Variants in NT5DC3 observed in about 807,000 individuals in gnomAD.
The protein encoded by NT5DC3 is 5'-nucleotidase domain-containing protein 3.
A neutral mutation model predicts 67.8 loss-of-function variants in NT5DC3; 42 were observed. That is an observed-to-expected ratio of 0.62 (90% CI 0.48 to 0.80). The LOEUF (loss-of-function observed/expected upper bound fraction) is 0.80. Among genes scored for constraint, NT5DC3 ranks in the 30% least tolerant of loss-of-function variants. The pLI, the probability that NT5DC3 is intolerant of heterozygous loss-of-function variation, is 0.00. For missense variants in NT5DC3, 570 were observed against 696.4 expected (o/e 0.82, Z 2.04); for synonymous variants, 237 against 255.6 (o/e 0.93, Z 0.69).
intron 5 of NT5DC3, among the ~76,000 whole-genome samples, chr12:103,798,288 C>T (rs927934020): frequency 1.3e-5 from 2 of 152,172 alleles, no homozygotes; most frequent in African/African-American, 4.8e-5. Context: ...AGCTGTCACA[C>T]CGACAGCCCC....
rs1046597734 is a variant in NT5DC3, at chr12:103,819,494, G to A, written c.209-4373C>T. 14 of 152,340 alleles carry A rather than the reference G, an allele frequency of 9.2e-5. 1 individual carries two copies. The highest frequency in any genetic ancestry group is 2.0e-4 in the Admixed American group (3 of 15,302). The allele number at this position is 152,340 out of a possible 1,614,324, so 9.4% of individuals were successfully genotyped here. ...TGTACATAGTGGATGATGACAGCAA[G>A]ACTATACAATCAGTACAAAGAAATG... On this transcript the variant is annotated intron_variant, in intron 1 of 13. Transcript: ENST00000392876.
intron 1 of NT5DC3, among the ~76,000 whole-genome samples, chr12:103,840,382 T>TCTC (rs1593451519): frequency 3.3e-5 from 2 of 60,796 alleles, no homozygotes; most frequent in East Asian, 6.6e-4. Context: ...GCACAGCTCA[T>TCTC]CTCATCTCAT....
At chr12:103,762,920 CG>C in the NT5DC3 span, among the ~76,000 whole-genome samples, 4 of 152,160 alleles carry the variant, frequency 2.6e-5, no homozygotes, top group Non-Finnish European at 5.9e-5. Context: ...AGAATATGGC[CG>C]GGGCAGCAGC....
At chr12:103,832,485 C>A (rs12313259) in intron 1 of NT5DC3, among the ~76,000 whole-genome samples, 27,594 of 151,882 alleles carry the variant, frequency 0.18, 2,650 homozygotes, top group Middle Eastern at 0.31. Context: ...GTCTTACCTT[C>A]AAAAGCTGGC....
rs78358844 is a variant in NT5DC3 at position 103,828,513 on chromosome 12, A to G, written c.208+12436T>C. ...TGCCTAAACTATGGGGAAGACTTTT[A>G]AAGAATATATCCTGCTATTTCTAAG... On this transcript the variant is annotated intron_variant, in intron 1 of 13. Coordinates refer to ENST00000392876, the MANE Select transcript of NT5DC3 (RefSeq NM_001031701.3). Among the ~76,000 whole-genome samples, 532 of 152,306 alleles carry G rather than the reference A, an allele frequency of 3.5e-3. 5 individuals carry two copies. Among genetic ancestry groups the G allele is most frequent in the African/African-American group, 0.012 (500 of 41,556 alleles).
intron 13 of NT5DC3, 150 bp downstream of exon 13, chr12:103,780,150 A>G: frequency 1.4e-6 from 1 of 711,104 alleles, no homozygotes; most frequent in Admixed American, 2.0e-5. Context: ...CAGGTAGCTG[A>G]TTCTGGATCC....
In NT5DC3 at chr12:103,777,757, G is replaced by A; in HGVS notation, c.*72C>T. Reference sequence around the variant, plus strand: ...GTATCTTTTCCAAAAGCAACACTCAGACCCACATGAAGTCAACCCCATCAT... The same window carrying A: ...GTATCTTTTCCAAAAGCAACACTCAAACCCACATGAAGTCAACCCCATCAT... On this transcript the variant is annotated 3_prime_UTR_variant, in exon 14 of 14. Transcript: ENST00000392876. 1 of 1,489,860 alleles carries A rather than the reference G, an allele frequency of 6.7e-7. No homozygotes were observed. The highest frequency in any genetic ancestry group is 2.1e-5 in the Admixed American group (1 of 46,772). 92.3% of individuals were successfully genotyped at this position (1,489,860 alleles called of 1,614,324 possible). A position where few individuals can be genotyped will look rare whatever the true frequency, so the allele number is the denominator to read the frequency against.
In NT5DC3 at chr12:103,772,887, G is replaced by A. The variant is rs914788628; in HGVS notation, c.*4942C>T. The A allele has an allele frequency of 6.6e-6, 1 of 152,324 alleles. No individual in the cohort carries two copies. The highest frequency in any genetic ancestry group is 2.4e-5 in the African/African-American group (1 of 41,438). The allele number at this position is 152,324 out of a possible 1,614,324, so 9.4% of individuals were successfully genotyped here. On this transcript the variant is annotated 3_prime_UTR_variant, in exon 14 of 14. Coordinates refer to ENST00000392876, the MANE Select transcript of NT5DC3 (RefSeq NM_001031701.3). ...TGGCCAGCCAGCAGCACTCCCAGCT[G>A]TTAGGGGAGTATGTCCTTCAGTCTG...
intron 12 of NT5DC3, among the ~76,000 whole-genome samples, chr12:103,780,763 C>G (rs1176430204): frequency 6.6e-6 from 1 of 152,094 alleles, no homozygotes; most frequent in Non-Finnish European, 1.5e-5. Flanking sequence ...TGTACAAATA[C>G]TTAGTACATG....
rs774530946 is a variant in NT5DC3 at position 103,796,970 on chromosome 12, A to C, written c.677T>G (p.Leu226Arg). The change falls in exon 6 of 14, where the codon CTC (leucine) becomes CGC (arginine). Residue 226 changes from leucine (L) to arginine (R), a missense_variant. Leu to Arg is a moderately radical substitution (Grantham distance 102). Transcript: ENST00000392876. ...MDIFSLPEMT[L>R]LSCVNEYFLK... ...GAAGTATTCATTCACGCAGGACAGG[A>C]GGGTCATCTCGGGCAGGGAGAAGAT... 4.3e-6 allele frequency: 7 copies of C among 1,613,992 alleles called. No individual in the cohort carries two copies. In the Admixed American group the frequency reaches 6.7e-5, roughly 15 times the overall value.
At chr12:103,813,937 G>T (rs963910806) in intron 2 of NT5DC3, among the ~76,000 whole-genome samples, 4 of 152,150 alleles carry the variant, frequency 2.6e-5, no homozygotes, top group Admixed American at 6.5e-5. Flanking sequence ...GCCCTCCTTT[G>T]CTGCCAACTC....
chr12:103,838,411 G>A lies in NT5DC3; in HGVS notation c.208+2538C>T, dbSNP rs560949634. 3.3e-5 allele frequency among the ~76,000 whole-genome samples: 5 copies of A among 152,270 alleles called. No individual in the cohort carries two copies. The South Asian group carries it at 1.0e-3, about 32-fold the overall frequency. ...GAACCCTATGATGCTACTGCTACCT[G>A]CAGCCCCATTTTACAGATGAAGAAA... On this transcript the variant is annotated intron_variant, in intron 1 of 13. Coordinates refer to ENST00000392876, the MANE Select transcript of NT5DC3 (RefSeq NM_001031701.3).
intron 6 of NT5DC3, among the ~76,000 whole-genome samples, chr12:103,795,067 T>C (rs1886254416): frequency 6.6e-6 from 1 of 152,202 alleles, no homozygotes; most frequent in African/African-American, 2.4e-5. Context: ...TGAGCACTTC[T>C]GGACTGCAAT....
chr12:103,755,695 C>T, the NT5DC3 span: 2 of 1,614,078 alleles, frequency 1.2e-6, no homozygotes, highest in Non-Finnish European at 1.7e-6. Flanking sequence ...GATGTCCTTC[C>T]CCTCACTCAC....
chr12:103,837,938 C>T (rs760799078), intron 1 of NT5DC3, among the ~76,000 whole-genome samples: 1 of 152,164 alleles, frequency 6.6e-6, no homozygotes, highest in Non-Finnish European at 1.5e-5. Flanking sequence ...TACCAATTTA[C>T]TGTATCAGTC....
chr12:103,831,007 G>A (rs116019718), intron 1 of NT5DC3, among the ~76,000 whole-genome samples: 1 of 152,180 alleles, frequency 6.6e-6, no homozygotes, highest in Non-Finnish European at 1.5e-5. Context: ...TATTTATCCA[G>A]AGAGTTTGCA....
intron 2 of NT5DC3, among the ~76,000 whole-genome samples, chr12:103,811,762 A>T (rs61939571): frequency 6.6e-6 from 1 of 152,234 alleles, no homozygotes. Context: ...ACCTTAGTCA[A>T]GTGTTAACAC....
intron 1 of NT5DC3, among the ~76,000 whole-genome samples, chr12:103,834,019 T>C (rs1271515776): frequency 1.3e-5 from 2 of 152,084 alleles, no homozygotes; most frequent in Non-Finnish European, 2.9e-5. Context: ...GGCCAGATAA[T>C]TCTTTGTTGT....
chr12:103,832,852 A>G (rs1887990330), intron 1 of NT5DC3, among the ~76,000 whole-genome samples: 2 of 152,212 alleles, frequency 1.3e-5, no homozygotes, highest in Admixed American at 6.5e-5. Flanking sequence ...AGAAGACACT[A>G]AGATTCCCCT....
Sources: gnomAD v4.1 joint callset for allele counts (sites outside exome capture counted in the v4.1 genomes callset) on GRCh38, gnomAD v4.1.1 for gene constraint, MANE v1.5 for transcripts, NCBI Gene and HGNC (gene_info 2026-07-23, HGNC 2026-07-21) for gene names.